PLXNA4: variants seen among roughly 807,000 people sequenced by gnomAD.
PLXNA4 encodes the protein plexin-A4.
PLXNA4 carries 44 observed loss-of-function variants against 191.8 expected under a neutral mutation model. That is an observed-to-expected ratio of 0.23 (90% CI 0.18 to 0.29). PLXNA4 has a LOEUF of 0.29. Ranked by LOEUF, PLXNA4 falls within the 10% of genes least tolerant of loss-of-function variation. The pLI is 1.00. For missense variants in PLXNA4, 1,800 were observed against 2,488.8 expected, an observed-to-expected ratio of 0.72 and a Z score of 5.89; for synonymous variants, 1,082 against 1,009.5, an observed-to-expected ratio of 1.07 and a Z score of -1.36.
At chr7:132,332,073 A>T (rs957362530) in intron 3 of PLXNA4, among the ~76,000 whole-genome samples, 2 of 152,226 alleles carry the variant, frequency 1.3e-5, no homozygotes, top group African/African-American at 4.8e-5. Flanking sequence ...CTCACATTTC[A>T]TTAACAATAA....
In PLXNA4 at chr7:132,507,992, G is replaced by A. The variant is rs996294845; in HGVS notation, c.702C>T (p.Phe234=). ...AGATATCAAAGTCAGGGATGATGGTGAAGGTGTCCGAAGGGATCTTAATCA... is the reference window on the plus strand; with the variant it reads ...AGATATCAAAGTCAGGGATGATGGTAAAGGTGTCCGAAGGGATCTTAATCA... ...ASMIKIPSDT[F]TIIPDFDIYY... Residue 234 remains phenylalanine, a synonymous_variant, in exon 2 of 32, where the codon TTC becomes TTT. Coordinates refer to ENST00000321063, the MANE Select transcript of PLXNA4 (RefSeq NM_020911.2). 1 of 1,614,226 alleles carries A rather than the reference G, an allele frequency of 6.2e-7. No homozygotes were observed. Among genetic ancestry groups the A allele is most frequent in the Non-Finnish European group, 8.5e-7 (1 of 1,180,042 alleles).
intron 25 of PLXNA4, among the ~76,000 whole-genome samples, chr7:132,149,468 T>TAC (rs1795530589): frequency 6.6e-6 from 1 of 152,168 alleles, no homozygotes; most frequent in South Asian, 2.1e-4. Context: ...TCTCGAAATG[T>TAC]ACACACATGA....
chr7:132,163,191 T>C (rs1268494908), intron 24 of PLXNA4, among the ~76,000 whole-genome samples: 1 of 152,220 alleles, frequency 6.6e-6, no homozygotes, highest in Non-Finnish European at 1.5e-5. Flanking sequence ...GAGATCACTG[T>C]GATCTCCAAA....
rs1174752744 is a variant in PLXNA4, at chr7:132,474,220, A to T, written c.1371+15072T>A. On this transcript the variant is annotated intron_variant, in intron 3 of 31. Coordinates refer to ENST00000321063, the MANE Select transcript of PLXNA4 (RefSeq NM_020911.2). ...AAGATCAGATCTCTCTGTCTCACAC[A>T]CACACACACACACACACACACACAC... Among the ~76,000 whole-genome samples the T allele has an allele frequency of 3.8e-4, 48 of 127,290 alleles. No homozygotes were observed. In the East Asian group the frequency reaches 7.5e-3, roughly 20 times the overall value. The allele number at this position is 127,290 out of a possible 152,430, so 83.5% of individuals were successfully genotyped here.
intron 4 of PLXNA4, among the ~76,000 whole-genome samples, chr7:132,284,673 G>T (rs959234198): frequency 1.3e-5 from 2 of 152,170 alleles, no homozygotes; most frequent in Non-Finnish European, 2.9e-5. Flanking sequence ...GAGGCCTCCT[G>T]GTCTGCTCTC....
At chr7:132,554,403 C>T (rs1211265396) in intron 1 of PLXNA4, among the ~76,000 whole-genome samples, 1 of 152,164 alleles carries the variant, frequency 6.6e-6, no homozygotes, top group Non-Finnish European at 1.5e-5. Flanking sequence ...GTCCCATCAC[C>T]TTCAAAATAC....
intron 10 of PLXNA4, among the ~76,000 whole-genome samples, chr7:132,205,003 C>A (rs7786995): frequency 0.27 from 41,315 of 152,088 alleles, 7,180 homozygotes; most frequent in East Asian, 0.64. Context: ...TGTCCCACAA[C>A]GGAGGAGTTT....
intron 20 of PLXNA4, among the ~76,000 whole-genome samples, chr7:132,178,975 C>G (rs1796588612): frequency 6.8e-6 from 1 of 146,472 alleles, no homozygotes; most frequent in African/African-American, 2.6e-5. Context: ...GCACTGCCCA[C>G]AGCTGCCTGG....
intron 3 of PLXNA4, among the ~76,000 whole-genome samples, chr7:132,304,721 G>A (rs771564634): frequency 3.5e-4 from 47 of 136,224 alleles, no homozygotes; most frequent in Non-Finnish European, 6.0e-4. Context: ...CTAATAATTT[G>A]GTTTGGTGAC....
chr7:132,406,019 C>G (rs911702797), intron 3 of PLXNA4, among the ~76,000 whole-genome samples: 8 of 152,192 alleles, frequency 5.3e-5, no homozygotes, highest in Non-Finnish European at 1.0e-4. Context: ...ATTTGAGCAG[C>G]AGGGCAGTGA....
At chr7:132,216,239 G>A (rs1300330578) in intron 9 of PLXNA4, among the ~76,000 whole-genome samples, 3 of 152,140 alleles carry the variant, frequency 2.0e-5, no homozygotes. Flanking sequence ...AGAGAAGAAC[G>A]GTTTGTTTTC....
rs1805056377 is a variant in PLXNA4, at chr7:132,384,880, G to A, written c.1372-86658C>T. ...GCCCAAGAGATAACTATATTCCGAT[G>A]GGAGAATCAGTTAGTTTCACTGACA... On this transcript the variant is annotated intron_variant, in intron 3 of 31. Coordinates refer to ENST00000321063, the MANE Select transcript of PLXNA4 (RefSeq NM_020911.2). 4 of 1,197,166 alleles carry A rather than the reference G, an allele frequency of 3.3e-6. No individual in the cohort carries two copies. The East Asian group carries it at 1.7e-4, about 50-fold the overall frequency. 74.2% of individuals were successfully genotyped at this position (1,197,166 alleles called of 1,614,324 possible). A position where few individuals can be genotyped will look rare whatever the true frequency, so the allele number is the denominator to read the frequency against.
rs746921698 is a variant in PLXNA4, at chr7:132,180,716, G to A, written c.3509C>T (p.Pro1170Leu). 2.2e-5 allele frequency: 36 copies of A among 1,613,986 alleles called. No homozygotes were observed. Among genetic ancestry groups the A allele is most frequent in the African/African-American group, 1.7e-4 (13 of 74,906 alleles). ...PIILKGKNLI[P>L]PVAGGNVKLN... is the part of the protein sequence containing the mutation. ...CTTCACGTTGCCCCCAGCCACAGGC[G>A]GGATCAGGTTCTTGCCCTGTACAAA... The change falls in exon 19 of 32, where the codon CCG (proline) becomes CTG (leucine). Residue 1170 changes from proline (P) to leucine (L), a missense_variant. Pro to Leu is a moderately conservative substitution (Grantham distance 98, BLOSUM62 -3). This residue lies in a region of PLXNA4 where 1,397 missense variants were observed against 1,880.4 expected (regional missense o/e 0.74). Coordinates refer to ENST00000321063, the MANE Select transcript of PLXNA4 (RefSeq NM_020911.2).
At chr7:132,507,459 A>C in intron 2 of PLXNA4, 47 bp downstream of exon 2, 2 of 1,551,942 alleles carry the variant, frequency 1.3e-6, no homozygotes, top group South Asian at 1.2e-5. Flanking sequence ...TGGGGTTCTC[A>C]TCCTACACTC....
chr7:132,572,570 G>T (rs1224983237), intron 1 of PLXNA4, among the ~76,000 whole-genome samples: 1 of 152,132 alleles, frequency 6.6e-6, no homozygotes, highest in Admixed American at 6.5e-5. Flanking sequence ...TCAGGAACAA[G>T]GCCTGGGCTC....
intron 1 of PLXNA4, among the ~76,000 whole-genome samples, chr7:132,562,866 C>T: frequency 9.1e-6 from 1 of 110,046 alleles, no homozygotes; most frequent in African/African-American, 3.8e-5. Flanking sequence ...CCTCCTCCTT[C>T]TCCTCCTCCT....
intron 2 of PLXNA4, among the ~76,000 whole-genome samples, chr7:132,613,757 G>A (rs530099792): frequency 1.2e-4 from 18 of 152,124 alleles, no homozygotes; most frequent in East Asian, 3.9e-4. Context: ...AACAAAACAC[G>A]GCCACAAGGA....
chr7:132,403,685 G>A (rs902092026), intron 3 of PLXNA4, among the ~76,000 whole-genome samples: 1 of 152,128 alleles, frequency 6.6e-6, no homozygotes, highest in Non-Finnish European at 1.5e-5. Context: ...GGGAAGTGAT[G>A]ACAGAGGAAT....
intron 1 of PLXNA4, among the ~76,000 whole-genome samples, chr7:132,550,263 TG>T (rs1199844382): frequency 6.6e-6 from 1 of 151,632 alleles, no homozygotes; most frequent in Non-Finnish European, 1.5e-5. Flanking sequence ...TGCCCAGGAG[TG>T]GGGCATGAGG....
Sources: allele counts gnomAD v4.1 joint callset (sites outside exome capture counted in the v4.1 genomes callset), GRCh38; gene constraint gnomAD v4.1.1; regional missense constraint gnomAD v4.1.1; transcripts MANE v1.5; gene names NCBI Gene and HGNC (gene_info 2026-07-23, HGNC 2026-07-21).